SLC24A2: variants seen among roughly 807,000 people sequenced by gnomAD.
The protein encoded by SLC24A2 is sodium/potassium/calcium exchanger 2.
SLC24A2 carries 36 observed loss-of-function variants against 62.0 expected under a neutral mutation model. That is an observed-to-expected ratio of 0.58 (90% CI 0.44 to 0.77). SLC24A2 has a LOEUF of 0.77. SLC24A2 is among the 30% of genes least tolerant of loss of function. The pLI is 0.00. For synonymous variants in SLC24A2, 358 were observed against 294.0 expected, an observed-to-expected ratio of 1.22 and a Z score of -2.23; for missense variants, 846 against 817.9, an observed-to-expected ratio of 1.03 and a Z score of -0.42.
At chr9:20,221,679 C>G in the SLC24A2 span, among the ~76,000 whole-genome samples, 3 of 151,794 alleles carry the variant, frequency 2.0e-5, no homozygotes, top group Admixed American at 6.6e-5. Context: ...CTGTAACAAA[C>G]CGGCAGAACA....
chr9:20,183,176 C>G, the SLC24A2 span, among the ~76,000 whole-genome samples: 1 of 152,126 alleles, frequency 6.6e-6, no homozygotes, highest in Non-Finnish European at 1.5e-5. Flanking sequence ...TTAGTGAGCT[C>G]TGATTGTGTA....
intron 2 of SLC24A2, among the ~76,000 whole-genome samples, chr9:19,673,683 C>G (rs1341036822): frequency 6.6e-6 from 1 of 152,160 alleles, no homozygotes; most frequent in Admixed American, 6.6e-5. Flanking sequence ...CTTCTGACCT[C>G]AAGTGATCCA....
At chr9:19,650,542 A>G (rs1472639626) in intron 2 of SLC24A2, among the ~76,000 whole-genome samples, 1 of 152,160 alleles carries the variant, frequency 6.6e-6, no homozygotes, top group Admixed American at 6.5e-5. Context: ...CCAGAGAAAC[A>G]GCTTGGGTGT....
the SLC24A2 span, among the ~76,000 whole-genome samples, chr9:19,847,023 T>TA: frequency 6.6e-6 from 1 of 151,786 alleles, no homozygotes; most frequent in Admixed American, 6.6e-5. Flanking sequence ...TCCAGTCTCT[T>TA]AAAAAAAATG....
intron 7 of SLC24A2, among the ~76,000 whole-genome samples, chr9:19,560,020 C>T (rs182045441): frequency 9.8e-4 from 149 of 152,094 alleles, no homozygotes; most frequent in African/African-American, 3.4e-3. Context: ...ACTTTTGGGA[C>T]CCTGAAACTG....
Position 19,589,107 on chromosome 9 carries a change from A to G in SLC24A2, c.1129+8122T>C, listed in dbSNP as rs368693225. Among the ~76,000 whole-genome samples, 16 of 152,342 alleles carry G rather than the reference A, an allele frequency of 1.1e-4. No homozygotes were observed. In the East Asian group the frequency reaches 2.1e-3, roughly 20 times the overall value. On this transcript the variant is annotated intron_variant, in intron 5 of 10. Coordinates refer to ENST00000341998, the MANE Select transcript of SLC24A2 (RefSeq NM_020344.4). ...TGATCTGGCATTTCTATCTTCAGAA[A>G]TTTATTTTATATGTATATGTCTTCT... is the stretch of plus-strand genomic sequence containing the variant.
upstream of SLC24A2, among the ~76,000 whole-genome samples, chr9:19,790,769 CT>C (rs1823309620): frequency 6.6e-6 from 1 of 152,142 alleles, no homozygotes; most frequent in South Asian, 2.1e-4. Context: ...TTTACCCTGC[CT>C]TTGTCTACTT....
chr9:19,729,200 G>C (rs937879338), intron 2 of SLC24A2, among the ~76,000 whole-genome samples: 1 of 152,156 alleles, frequency 6.6e-6, no homozygotes, highest in Non-Finnish European at 1.5e-5. Context: ...TTTCACCCCA[G>C]TTAGGATGGC....
the SLC24A2 span, among the ~76,000 whole-genome samples, chr9:20,306,929 C>G: frequency 1.3e-5 from 2 of 152,016 alleles, no homozygotes; most frequent in African/African-American, 4.8e-5. Context: ...AACTCCTGAC[C>G]TCAAGTGATC....
At chr9:20,257,398 C>CT in the SLC24A2 span, among the ~76,000 whole-genome samples, 1 of 151,856 alleles carries the variant, frequency 6.6e-6, no homozygotes, top group South Asian at 2.1e-4. Flanking sequence ...TCCTGGTGCC[C>CT]TTTTTTTTCT....
At chr9:19,903,873 A>G in the SLC24A2 span, among the ~76,000 whole-genome samples, 1 of 152,194 alleles carries the variant, frequency 6.6e-6, no homozygotes, top group African/African-American at 2.4e-5. Flanking sequence ...TAACCCAGGT[A>G]TTCTCCCATG....
At chr9:19,814,110 T>G in the SLC24A2 span, among the ~76,000 whole-genome samples, 9 of 152,198 alleles carry the variant, frequency 5.9e-5, no homozygotes, top group African/African-American at 2.2e-4. Flanking sequence ...TGGTTCTTAT[T>G]GGGAATATTG....
chr9:19,804,855 T>G, the SLC24A2 span, among the ~76,000 whole-genome samples: 1 of 152,114 alleles, frequency 6.6e-6, no homozygotes, highest in African/African-American at 2.4e-5. Context: ...TCATGTTAGA[T>G]TTTATAAAAT....
chr9:20,141,112 G>C, the SLC24A2 span, among the ~76,000 whole-genome samples: 1 of 152,238 alleles, frequency 6.6e-6, no homozygotes, highest in East Asian at 1.9e-4. Context: ...CCATGTAGTG[G>C]CTGTGTAAGC....
At position 19,581,085 on chromosome 9, in the gene SLC24A2, G is replaced by T. The variant is rs146340056; in HGVS notation, c.1130-4063C>A. Among the ~76,000 whole-genome samples the T allele has an allele frequency of 3.0e-3, 453 of 152,320 alleles. 1 individual carries two copies. Among genetic ancestry groups the T allele is most frequent in the South Asian group, 4.1e-3 (20 of 4,824 alleles). On this transcript the variant is annotated intron_variant, in intron 5 of 10. Transcript: ENST00000341998. The stretch of plus-strand genomic sequence containing the variant: ...GTGATGTAGTCCTGAGTTGCTGTAG[G>T]AGAATTGTTGCCATCCTCTCTTCTC...
chr9:19,843,676 C>G, the SLC24A2 span, among the ~76,000 whole-genome samples: 21 of 152,250 alleles, frequency 1.4e-4, no homozygotes, highest in Admixed American at 9.2e-4. Flanking sequence ...TGTCTCCCAT[C>G]CATCCCTCCC....
intron 2 of SLC24A2, among the ~76,000 whole-genome samples, chr9:19,667,510 C>T (rs1390191124): frequency 6.6e-6 from 1 of 152,160 alleles, no homozygotes; most frequent in Non-Finnish European, 1.5e-5. Context: ...TATGTTTGCT[C>T]CCTGGACCAA....
chr9:19,920,695 G>A, the SLC24A2 span, among the ~76,000 whole-genome samples: 19 of 152,166 alleles, frequency 1.2e-4, no homozygotes, highest in Non-Finnish European at 1.9e-4. Flanking sequence ...AACTCTCCAC[G>A]CTTCCCACTA....
At position 19,786,650 on chromosome 9, in the gene SLC24A2, C is replaced by G; in HGVS notation, c.217G>C (p.Val73Leu). The change falls in exon 2 of 11, where the codon GTA (valine) becomes CTA (leucine). Residue 73 changes from valine to leucine, a missense_variant. Val to Leu is a conservative substitution (Grantham distance 32). Transcript: ENST00000341998. This position sits in a 1 kb window ranked among gnomAD's most constrained non-coding sequence, Gnocchi z 5.0. ...CCCTGTGCTACCCTAGGGCCACTTA[C>G]AACACTGGCCTCTCCTGTGCTCTGT... is the stretch of plus-strand genomic sequence containing the variant. ...DTQSTGEASV[V>L]SGPRVAQGYH... 6.2e-7 allele frequency: 1 copy of G among 1,614,114 alleles called. No homozygotes were observed. Among genetic ancestry groups the G allele is most frequent in the Non-Finnish European group, 8.5e-7 (1 of 1,179,994 alleles).
Sources: allele counts gnomAD v4.1 joint callset (sites outside exome capture counted in the v4.1 genomes callset), GRCh38; gene constraint gnomAD v4.1.1; non-coding constraint Gnocchi (gnomAD v3.1); transcripts MANE v1.5; gene names NCBI Gene and HGNC (gene_info 2026-07-23, HGNC 2026-07-21).